The following BRD7 variants were observed in gnomAD, a reference collection of about 807,000 sequenced individuals.
BRD7 encodes bromodomain containing 7.
BRD7 carries 15 observed loss-of-function variants against 82.1 expected under a neutral mutation model. That is an observed-to-expected ratio of 0.18 (90% CI 0.12 to 0.28). BRD7 has a LOEUF of 0.28. BRD7 is among the 10% of genes least tolerant of loss of function. The pLI is 1.00. For synonymous variants in BRD7, 232 were observed against 266.9 expected (o/e 0.87, Z 1.27); for missense variants, 638 against 779.9 (o/e 0.82, Z 2.17).
intron 9 of BRD7, among the ~76,000 whole-genome samples, chr16:50,326,983 G>A (rs559233098): frequency 5.4e-4 from 83 of 152,316 alleles, no homozygotes; most frequent in African/African-American, 1.8e-3. Context: ...CTAACAGAGG[G>A]ACATCTGCTC....
chr16:50,322,207 A>AG (rs1410806159), intron 12 of BRD7, among the ~76,000 whole-genome samples, 169 bp from the exon 13 acceptor site: 4 of 152,338 alleles, frequency 2.6e-5, no homozygotes, highest in Admixed American at 2.0e-4. Context: ...TAGCATTTTG[A>AG]GAGGATTCTG....
rs773042293 is a variant in BRD7 at position 50,325,930 on chromosome 16, T to C, written c.1196-47A>G. 6.6e-6 allele frequency: 10 copies of C among 1,519,750 alleles called. No homozygotes were observed. In the East Asian group the frequency reaches 2.3e-4, roughly 35 times the overall value. The allele number at this position is 1,519,750 out of a possible 1,614,324, so 94.1% of individuals were successfully genotyped here. Reference sequence around the variant, plus strand: ...GTAACACTATTCTTTAACTTGCATGTCAATCTATTTTGTTTTACCAAAAGA... The same window carrying C: ...GTAACACTATTCTTTAACTTGCATGCCAATCTATTTTGTTTTACCAAAAGA... On this transcript the variant is annotated intron_variant, in intron 10 of 16. Transcript: ENST00000394688.
At chr16:50,368,514 CCACCAGAGACCCA>C (rs2039241745) in intron 1 of BRD7, 199 bp downstream of exon 1, 1 of 725,258 alleles carries the variant, frequency 1.4e-6, no homozygotes, top group Admixed American at 3.6e-5. Context: ...TCACGTCTCC[CCACCAGAGACCCA>C]CCGGACCAGG....
intron 2 of BRD7, among the ~76,000 whole-genome samples, chr16:50,364,072 A>G (rs958564701): frequency 1.1e-4 from 17 of 151,818 alleles, no homozygotes; most frequent in African/African-American, 2.4e-4. Context: ...CAAAAAGGAA[A>G]AAAAAAAAAA....
intron 2 of BRD7, among the ~76,000 whole-genome samples, 170 bp from the exon 3 acceptor site, chr16:50,355,092 G>A (rs1400393138): frequency 6.6e-6 from 1 of 151,978 alleles, no homozygotes. Flanking sequence ...ATACGTTCAC[G>A]AAGGAAAAAA....
intron 11 of BRD7, among the ~76,000 whole-genome samples, chr16:50,325,529 A>T (rs977882703): frequency 2.6e-5 from 4 of 152,182 alleles, no homozygotes; most frequent in Non-Finnish European, 5.9e-5. Flanking sequence ...TATATTTTTT[A>T]AAAATTAAAA....
intron 6 of BRD7, 70 bp downstream of exon 6, chr16:50,339,906 T>G: frequency 1.2e-6 from 1 of 863,418 alleles, no homozygotes; most frequent in South Asian, 1.7e-5. Flanking sequence ...ATTGTATCTG[T>G]ATTACTATGG....
At chr16:50,338,049 G>A (rs771233350) in intron 6 of BRD7, among the ~76,000 whole-genome samples, 3 of 152,052 alleles carry the variant, frequency 2.0e-5, no homozygotes, top group Non-Finnish European at 2.9e-5. Context: ...GTAAATCAAA[G>A]GTCATTAAAA....
intron 5 of BRD7, among the ~76,000 whole-genome samples, chr16:50,347,238 C>T (rs528080091): frequency 1.3e-3 from 196 of 152,286 alleles, no homozygotes; most frequent in African/African-American, 4.5e-3. Flanking sequence ...TCTCAATAAA[C>T]TAGGTATTGA....
intron 8 of BRD7, among the ~76,000 whole-genome samples, chr16:50,330,024 CTT>C (rs1413635234): frequency 6.6e-6 from 1 of 152,180 alleles, no homozygotes; most frequent in African/African-American, 2.4e-5. Flanking sequence ...CTTGTGATCT[CTT>C]GAGTAAACAG....
intron 6 of BRD7, among the ~76,000 whole-genome samples, chr16:50,339,257 T>C (rs938424241): frequency 6.6e-6 from 1 of 152,222 alleles, no homozygotes; most frequent in Non-Finnish European, 1.5e-5. Flanking sequence ...TATAGTCACA[T>C]GTAGCTTAAT....
Position 50,326,385 on chromosome 16 carries a change from C to T in BRD7, c.1094G>A (p.Gly365Asp), listed in dbSNP as rs374025627. ...CATTCCCAGTCTCACAGGGCAGTAG[C>T]CTGGCTCTACAACATAAAACAGAGC... ...HPVDPIVGEPGYCPVRLGMTT... is the reference protein window; with the variant it reads ...HPVDPIVGEPDYCPVRLGMTT... Residue 365 changes from glycine to aspartate, a missense_variant, in exon 10 of 17, where the codon GGC becomes GAC. By Grantham distance (94) the Gly-to-Asp change is moderately conservative. Coordinates refer to ENST00000394688, the MANE Select transcript of BRD7 (RefSeq NM_013263.5). 3 of 1,578,744 alleles carry T rather than the reference C, an allele frequency of 1.9e-6. No homozygotes were observed. In the African/African-American group the frequency reaches 4.1e-5, roughly 21 times the overall value.
Position 50,354,447 on chromosome 16 carries a change from G to A in BRD7, c.424C>T (p.Gln142Ter). Reference sequence around the variant, plus strand: ...TACCTCTGCAATTGTCTCATCAGTTGATTCAAAGCTTCTTGAAGGGGTGTC... The same window carrying A: ...TACCTCTGCAATTGTCTCATCAGTTAATTCAAAGCTTCTTGAAGGGGTGTC... Reference protein sequence around the residue: ...EQTPLQEALNQLMRQLQRKDP... With the variant: ...EQTPLQEALN The change falls in exon 4 of 17, where the codon CAA becomes TAA. Residue 142 changes from glutamine (Q) to a stop codon, truncating the protein, a stop_gained. Coordinates refer to ENST00000394688, the MANE Select transcript of BRD7 (RefSeq NM_013263.5). LOFTEE classifies it high-confidence loss of function. The A allele has an allele frequency of 6.2e-7, 1 of 1,612,156 alleles. No individual in the cohort carries two copies. Among genetic ancestry groups the A allele is most frequent in the Non-Finnish European group, 8.5e-7 (1 of 1,179,122 alleles).
intron 2 of BRD7, chr16:50,361,738 C>G (rs1416130689): frequency 6.6e-6 from 1 of 152,200 alleles, no homozygotes; most frequent in Non-Finnish European, 1.5e-5. Context: ...AGCTGCCTTT[C>G]AGATCTTACC....
intron 2 of BRD7, among the ~76,000 whole-genome samples, chr16:50,355,846 A>G (rs1045240720): frequency 6.6e-6 from 1 of 152,200 alleles, no homozygotes; most frequent in African/African-American, 2.4e-5. Flanking sequence ...TAAGTTGATA[A>G]ATTTTGGTAC....
At chr16:50,334,208 G>A (rs1056363999) in intron 7 of BRD7, among the ~76,000 whole-genome samples, 4 of 152,188 alleles carry the variant, frequency 2.6e-5, no homozygotes, top group Non-Finnish European at 5.9e-5. Context: ...ACGGGCAGAT[G>A]CGGCTGCCGT....
At chr16:50,359,584 A>T (rs1236014278) in intron 2 of BRD7, among the ~76,000 whole-genome samples, 1 of 152,228 alleles carries the variant, frequency 6.6e-6, no homozygotes, top group Admixed American at 6.5e-5. Context: ...TTCAAAAAAC[A>T]AACAGGTTTA....
At chr16:50,363,787 G>A (rs1491003387) in intron 2 of BRD7, among the ~76,000 whole-genome samples, 1 of 152,156 alleles carries the variant, frequency 6.6e-6, no homozygotes, top group Non-Finnish European at 1.5e-5. Context: ...AGATATGGTA[G>A]CTCACACTTG....
At chr16:50,356,616 C>T (rs1311153115) in intron 2 of BRD7, among the ~76,000 whole-genome samples, 1 of 151,898 alleles carries the variant, frequency 6.6e-6, no homozygotes, top group African/African-American at 2.4e-5. Context: ...ATGTGATATA[C>T]ACCAAATTCA....
Sources: gnomAD v4.1 joint callset for allele counts (sites outside exome capture counted in the v4.1 genomes callset) on GRCh38, gnomAD v4.1.1 for gene constraint, MANE v1.5 for transcripts, NCBI Gene and HGNC (gene_info 2026-07-23, HGNC 2026-07-21) for gene names.